Variants in NTRK3 observed in about 807,000 individuals in gnomAD.
NTRK3 encodes NT-3 growth factor receptor.
NTRK3 carries 24 observed loss-of-function variants against 91.7 expected under a neutral mutation model. That is an observed-to-expected ratio of 0.26 (90% CI 0.19 to 0.37). NTRK3 has a LOEUF of 0.37. NTRK3 is among the 10% of genes least tolerant of loss of function. The pLI is 1.00. For missense variants in NTRK3, 880 were observed against 1,068.9 expected, an observed-to-expected ratio of 0.82 and a Z score of 2.46; for synonymous variants, 483 against 404.0, an observed-to-expected ratio of 1.20 and a Z score of -2.34.
At chr15:87,861,625 A>G (rs1245998932) in exon 19 of NTRK3, 5 of 193,572 alleles carry the variant, frequency 2.6e-5, no homozygotes, top group Non-Finnish European at 4.3e-5. Flanking sequence ...GAAAAAAAAA[A>G]TCCCACTTAG....
intron 14 of NTRK3, among the ~76,000 whole-genome samples, chr15:87,976,169 GC>G (rs756458528): frequency 6.6e-6 from 1 of 152,136 alleles, no homozygotes; most frequent in Non-Finnish European, 1.5e-5. Context: ...CCCCAGGACA[GC>G]CTCAACCCTT....
At chr15:88,247,155 A>T (rs1157361443) in intron 3 of NTRK3, among the ~76,000 whole-genome samples, 1 of 152,228 alleles carries the variant, frequency 6.6e-6, no homozygotes, top group East Asian at 1.9e-4. Flanking sequence ...TTCCCGCGGC[A>T]GGTAGCCGGG....
At chr15:87,867,117 G>T (rs909229294) in exon 19 of NTRK3, 2 of 225,310 alleles carry the variant, frequency 8.9e-6, no homozygotes, top group African/African-American at 4.5e-5. Flanking sequence ...TAATAGGCTT[G>T]TTGTCCCAGA....
At chr15:88,038,876 C>A (rs1042180811) in intron 13 of NTRK3, among the ~76,000 whole-genome samples, 4 of 152,108 alleles carry the variant, frequency 2.6e-5, no homozygotes, top group African/African-American at 9.7e-5. Context: ...GTTCTCACAT[C>A]ACTTGCCTCA....
chr15:88,238,798 C>T (rs1366337483), intron 3 of NTRK3, among the ~76,000 whole-genome samples: 1 of 152,224 alleles, frequency 6.6e-6, no homozygotes, highest in Non-Finnish European at 1.5e-5. Flanking sequence ...CAAATGCCTC[C>T]TGATAACATT....
At chr15:88,060,026 C>T (rs905760139) in intron 13 of NTRK3, among the ~76,000 whole-genome samples, 3 of 152,124 alleles carry the variant, frequency 2.0e-5, no homozygotes, top group African/African-American at 7.2e-5. Context: ...TTAAAGCCAC[C>T]GAGTCTGGAA....
chr15:87,870,401 A>T (rs534602431), exon 19 of NTRK3: 67 of 202,334 alleles, frequency 3.3e-4, no homozygotes, highest in African/African-American at 1.4e-3. Flanking sequence ...TCAAGGTATA[A>T]GAATGACACA....
intron 17 of NTRK3, among the ~76,000 whole-genome samples, chr15:87,913,119 T>C (rs1018502148): frequency 3.3e-5 from 5 of 151,424 alleles, no homozygotes; most frequent in Non-Finnish European, 5.9e-5. Flanking sequence ...GCACTTTTGC[T>C]ATATACAAGT....
At chr15:88,165,669 T>C (rs902322113) in intron 5 of NTRK3, among the ~76,000 whole-genome samples, 1 of 152,198 alleles carries the variant, frequency 6.6e-6, no homozygotes, top group African/African-American at 2.4e-5. Flanking sequence ...CCCAACAACA[T>C]TTTATGGTCT....
chr15:88,129,878 A>G (rs1322121366), intron 10 of NTRK3, among the ~76,000 whole-genome samples: 1 of 152,228 alleles, frequency 6.6e-6, no homozygotes, highest in Non-Finnish European at 1.5e-5. Context: ...CTATCTGGAG[A>G]AAAGGTCTTT....
chr15:87,888,197 T>C (rs1179423268), intron 17 of NTRK3, among the ~76,000 whole-genome samples: 1 of 152,104 alleles, frequency 6.6e-6, no homozygotes, highest in Admixed American at 6.6e-5. Flanking sequence ...AGGCTGAAAG[T>C]GCTCACGGGG....
chr15:88,138,076 T>C (rs2042041686), intron 6 of NTRK3, among the ~76,000 whole-genome samples: 1 of 149,640 alleles, frequency 6.7e-6, no homozygotes, highest in Admixed American at 6.7e-5. Flanking sequence ...GAAATCCACC[T>C]CACTTCATGC....
chr15:88,110,861 T>C (rs890140906), intron 13 of NTRK3, among the ~76,000 whole-genome samples: 6 of 152,088 alleles, frequency 3.9e-5, no homozygotes, highest in Admixed American at 2.6e-4. Flanking sequence ...AGTCTGCTAC[T>C]GTGATTACAG....
At chr15:88,122,408 C>T (rs2052815809) in intron 13 of NTRK3, among the ~76,000 whole-genome samples, 1 of 152,068 alleles carries the variant, frequency 6.6e-6, no homozygotes, top group Non-Finnish European at 1.5e-5. Flanking sequence ...GACAGAGATA[C>T]AGGGAAAGAA....
intron 6 of NTRK3, chr15:88,144,080 A>T (rs2042645501): frequency 1.3e-5 from 2 of 151,938 alleles, no homozygotes; most frequent in South Asian, 2.1e-4. Flanking sequence ...TTTTCTTCCT[A>T]CTTCATTCTT....
chr15:88,114,259 T>C (rs1361879012), intron 13 of NTRK3, among the ~76,000 whole-genome samples: 1 of 152,090 alleles, frequency 6.6e-6, no homozygotes, highest in East Asian at 1.9e-4. Flanking sequence ...GTTTTTAAGG[T>C]TCAATACAGA....
chr15:88,033,026 A>G (rs2078693725), exon 14 of NTRK3: 2 of 1,594,588 alleles, frequency 1.3e-6, no homozygotes, highest in Non-Finnish European at 1.7e-6. Context: ...CCTCCTCACC[A>G]CTGATGACAG....
At chr15:88,089,506 C>A (rs1050027116) in intron 13 of NTRK3, among the ~76,000 whole-genome samples, 2 of 152,162 alleles carry the variant, frequency 1.3e-5, no homozygotes, top group African/African-American at 2.4e-5. Context: ...TACTGCACAA[C>A]TATTAAAAAG....
chr15:88,162,685 TATC>T (rs1457661567), intron 5 of NTRK3, among the ~76,000 whole-genome samples: 4 of 152,202 alleles, frequency 2.6e-5, no homozygotes, highest in Non-Finnish European at 5.9e-5. Context: ...GAATAATTAA[TATC>T]ATCAGGATAG....
Sources: allele counts gnomAD v4.1 joint callset (sites outside exome capture counted in the v4.1 genomes callset), GRCh38; gene constraint gnomAD v4.1.1; transcripts MANE v1.5; gene names NCBI Gene and HGNC (gene_info 2026-07-23, HGNC 2026-07-21).